Variants in AGBL1 observed in about 807,000 individuals in gnomAD.
The protein encoded by AGBL1 is AGBL carboxypeptidase 1.
In AGBL1, 130 loss-of-function variants were observed where a neutral mutation model predicts 118.9. The observed-to-expected ratio is 1.09, with a 90% CI of 0.95 to 1.26. AGBL1 has a LOEUF of 1.26. AGBL1 is among the 50% of genes most tolerant of loss of function. AGBL1 has a pLI of 0.00. For synonymous variants in AGBL1, 555 were observed against 478.9 expected, an observed-to-expected ratio of 1.16 and a Z score of -2.08; for missense variants, 1,584 against 1,298.1, an observed-to-expected ratio of 1.22 and a Z score of -3.38.
chr15:86,829,124 C>T (rs763024428), intron 22 of AGBL1, among the ~76,000 whole-genome samples: 7 of 151,914 alleles, frequency 4.6e-5, no homozygotes, highest in Admixed American at 2.0e-4. Flanking sequence ...AACAGAGCCT[C>T]GTGGGGTGAT....
intron 23 of AGBL1, among the ~76,000 whole-genome samples, chr15:86,927,607 A>AT (rs1416643889): frequency 6.6e-6 from 1 of 152,156 alleles, no homozygotes; most frequent in African/African-American, 2.4e-5. Flanking sequence ...AAATAAAATT[A>AT]TTTTTAAAAA....
chr15:86,695,472 G>A (rs568453881), intron 22 of AGBL1, among the ~76,000 whole-genome samples: 1 of 151,858 alleles, frequency 6.6e-6, no homozygotes. Flanking sequence ...AGTTCACTTG[G>A]ATTTTCTCTC....
chr15:86,583,013 AC>A (rs1206508037), intron 21 of AGBL1, among the ~76,000 whole-genome samples: 1 of 152,116 alleles, frequency 6.6e-6, no homozygotes, highest in African/African-American at 2.4e-5. Context: ...AAGTATAATA[AC>A]AATAAAAAAA....
chr15:86,849,513 C>CTTTCTTT (rs1555456687), intron 22 of AGBL1, among the ~76,000 whole-genome samples: 5 of 87,712 alleles, frequency 5.7e-5, no homozygotes, highest in African/African-American at 1.8e-4. Context: ...TTCTTTCTTT[C>CTTTCTTT]TTTCTTTTTT....
At chr15:87,027,613 C>T (rs149018480) in intron 24 of AGBL1, among the ~76,000 whole-genome samples, 122 of 151,812 alleles carry the variant, frequency 8.0e-4, no homozygotes, top group African/African-American at 2.4e-3. Flanking sequence ...TTCACAATAG[C>T]GAAGACATGG....
intron 21 of AGBL1, among the ~76,000 whole-genome samples, chr15:86,594,203 G>A (rs539342506): frequency 6.0e-4 from 92 of 152,174 alleles, no homozygotes; most frequent in African/African-American, 1.8e-3. Context: ...GAGCCACTGC[G>A]TCTAGCCCTG....
At chr15:86,188,554 C>G (rs563440415) in intron 5 of AGBL1, among the ~76,000 whole-genome samples, 2 of 152,208 alleles carry the variant, frequency 1.3e-5, no homozygotes, top group South Asian at 4.1e-4. Context: ...AAGATATTAC[C>G]TGCTAAATGT....
At chr15:86,973,085 G>A (rs1646778220) in intron 23 of AGBL1, among the ~76,000 whole-genome samples, 1 of 151,974 alleles carries the variant, frequency 6.6e-6, no homozygotes, top group African/African-American at 2.4e-5. Context: ...TGGCATTTGT[G>A]TAACAGTAGT....
Position 86,306,170 on chromosome 15 carries a change from A to T in AGBL1, c.2374+10762A>T, listed in dbSNP as rs565759488. On this transcript the variant is annotated intron_variant, in intron 17 of 22. Coordinates refer to ENST00000614907, the MANE Select transcript of AGBL1 (RefSeq NM_001386094.1). ...TTATCCTTTGAGTTACAAATAATCTAGTTACATTATTTAAGTTATTTCAAA... is the reference window on the plus strand; with the variant it reads ...TTATCCTTTGAGTTACAAATAATCTTGTTACATTATTTAAGTTATTTCAAA... Among the ~76,000 whole-genome samples the T allele has an allele frequency of 2.4e-3, 363 of 152,230 alleles. 1 individual carries two copies. The highest frequency in any genetic ancestry group is 4.2e-3 in the Non-Finnish European group (286 of 68,002).
At chr15:86,220,773 G>T (rs1597577702) in intron 5 of AGBL1, among the ~76,000 whole-genome samples, 3 of 152,150 alleles carry the variant, frequency 2.0e-5, no homozygotes, top group Admixed American at 6.5e-5. Flanking sequence ...TAAACATGGG[G>T]ACATCCATTT....
intron 24 of AGBL1, among the ~76,000 whole-genome samples, chr15:86,994,934 C>T (rs950480135): frequency 6.6e-6 from 1 of 152,088 alleles, no homozygotes; most frequent in Non-Finnish European, 1.5e-5. Flanking sequence ...CTGTAATGAA[C>T]TATTTCTTTA....
chr15:86,378,553 G>A (rs2081069841), intron 17 of AGBL1, among the ~76,000 whole-genome samples: 1 of 152,130 alleles, frequency 6.6e-6, no homozygotes, highest in Admixed American at 6.5e-5. Context: ...TTCCAACTGG[G>A]CCATTCTGAG....
intron 24 of AGBL1, among the ~76,000 whole-genome samples, chr15:87,008,736 T>G (rs1271876547): frequency 6.6e-6 from 1 of 152,158 alleles, no homozygotes; most frequent in East Asian, 1.9e-4. Context: ...GCTGAAGTGA[T>G]CTCAGATGGA....
intron 22 of AGBL1, among the ~76,000 whole-genome samples, chr15:86,755,698 G>C (rs1309394057): frequency 6.6e-6 from 1 of 152,018 alleles, no homozygotes; most frequent in East Asian, 1.9e-4. Context: ...GTACTTTCCT[G>C]CCTGACTGCA....
chr15:86,813,711 G>C (rs767912000), intron 22 of AGBL1, among the ~76,000 whole-genome samples: 1 of 152,162 alleles, frequency 6.6e-6, no homozygotes, highest in South Asian at 2.1e-4. Context: ...TTATAGAACA[G>C]GGAATAACAA....
intron 21 of AGBL1, among the ~76,000 whole-genome samples, chr15:86,667,612 T>C (rs1173438865): frequency 6.6e-6 from 1 of 152,130 alleles, no homozygotes; most frequent in East Asian, 1.9e-4. Context: ...TTTCAAATAC[T>C]TGGAGATCCT....
At chr15:86,838,477 T>C (rs977786661) in intron 22 of AGBL1, among the ~76,000 whole-genome samples, 1 of 152,194 alleles carries the variant, frequency 6.6e-6, no homozygotes, top group Non-Finnish European at 1.5e-5. Flanking sequence ...ATGGAAAATA[T>C]ATGGCCCAGG....
chr15:86,742,781 T>G (rs1393727489), intron 22 of AGBL1, among the ~76,000 whole-genome samples: 1 of 152,164 alleles, frequency 6.6e-6, no homozygotes, highest in Non-Finnish European at 1.5e-5. Context: ...AGTCTCCTTA[T>G]GCAGAATAAA....
rs568093843 is a variant in AGBL1, at chr15:86,609,242, C to A, written c.2994+54705C>A. Among the ~76,000 whole-genome samples the A allele has an allele frequency of 2.6e-5, 4 of 152,088 alleles. No individual in the cohort carries two copies. In the South Asian group the frequency reaches 8.3e-4, roughly 32 times the overall value. On this transcript the variant is annotated intron_variant, in intron 21 of 22. Coordinates refer to ENST00000614907, the MANE Select transcript of AGBL1 (RefSeq NM_001386094.1). ...GAGGAGTACTAGATCTCAGGCTCTG[C>A]AAAGTAGGAAGAGATGGAAAGAGAA... is the stretch of plus-strand genomic sequence containing the variant.
Sources: allele counts gnomAD v4.1 joint callset (sites outside exome capture counted in the v4.1 genomes callset), GRCh38; gene constraint gnomAD v4.1.1; transcripts MANE v1.5; gene names NCBI Gene and HGNC (gene_info 2026-07-23, HGNC 2026-07-21).